DPP10: variants seen among roughly 807,000 people sequenced by gnomAD.
The protein encoded by DPP10 is inactive dipeptidyl peptidase 10.
In DPP10, 33 loss-of-function variants were observed where a neutral mutation model predicts 120.9. That is an observed-to-expected ratio of 0.27 (90% CI 0.21 to 0.37). DPP10 has a LOEUF of 0.37. Among genes scored for constraint, DPP10 ranks in the 10% least tolerant of loss-of-function variants. DPP10 has a pLI of 1.00. For missense variants in DPP10, 816 were observed against 942.8 expected (o/e 0.87, Z 1.76); for synonymous variants, 337 against 326.1 (o/e 1.03, Z -0.36).
intron 1 of DPP10, among the ~76,000 whole-genome samples, chr2:114,775,431 G>A (rs1222872115): frequency 6.6e-6 from 1 of 152,134 alleles, no homozygotes; most frequent in African/African-American, 2.4e-5. Flanking sequence ...GACTTACATT[G>A]CTGCCAAGTG....
At chr2:114,750,622 C>T (rs559707243) in intron 1 of DPP10, among the ~76,000 whole-genome samples, 1 of 152,174 alleles carries the variant, frequency 6.6e-6, no homozygotes, top group Non-Finnish European at 1.5e-5. Flanking sequence ...CGTGAGCCAC[C>T]GCTCCCAGCC....
intron 1 of DPP10, among the ~76,000 whole-genome samples, chr2:115,297,112 T>C (rs1245718142): frequency 6.6e-6 from 1 of 152,106 alleles, no homozygotes; most frequent in Admixed American, 6.6e-5. Flanking sequence ...AAATACTGTA[T>C]GCAAGTATCC....
At chr2:115,774,259 CAG>C (rs1279952506) in intron 13 of DPP10, among the ~76,000 whole-genome samples, 1 of 150,140 alleles carries the variant, frequency 6.7e-6, no homozygotes, top group African/African-American at 2.5e-5. Context: ...CTCTGAAAAA[CAG>C]AGAAAATAAT....
intron 1 of DPP10, among the ~76,000 whole-genome samples, chr2:114,570,855 A>G (rs1689585991): frequency 6.6e-6 from 1 of 150,980 alleles, no homozygotes; most frequent in Non-Finnish European, 1.5e-5. Flanking sequence ...AAAAAAAAAA[A>G]AAAAAGAAAA....
intron 1 of DPP10, among the ~76,000 whole-genome samples, chr2:114,947,359 T>C (rs146368222): frequency 6.6e-6 from 1 of 152,004 alleles, no homozygotes; most frequent in African/African-American, 2.4e-5. Flanking sequence ...ATACACAATT[T>C]TTTCCATCGA....
intron 7 of DPP10, among the ~76,000 whole-genome samples, chr2:115,697,581 AATAT>A (rs34075750): frequency 6.7e-6 from 1 of 149,128 alleles, no homozygotes; most frequent in Non-Finnish European, 1.5e-5. Context: ...AATTGAAGGG[AATAT>A]ATATATATAT....
intron 3 of DPP10, among the ~76,000 whole-genome samples, chr2:115,404,421 AT>A (rs1362678584): frequency 6.6e-6 from 1 of 152,154 alleles, no homozygotes; most frequent in African/African-American, 2.4e-5. Flanking sequence ...TCAACAGGAG[AT>A]TTAGGTGGGG....
chr2:114,475,146 G>C (rs556846951), intron 1 of DPP10, among the ~76,000 whole-genome samples: 1 of 152,258 alleles, frequency 6.6e-6, no homozygotes, highest in Admixed American at 6.5e-5. Flanking sequence ...CATCCGCACG[G>C]CACAGTTTAC....
At chr2:115,570,465 T>C (rs528763828) in intron 5 of DPP10, among the ~76,000 whole-genome samples, 9 of 152,228 alleles carry the variant, frequency 5.9e-5, no homozygotes, top group Admixed American at 6.5e-5. Context: ...GTCTTTCACA[T>C]AGTCCACACT....
intron 3 of DPP10, among the ~76,000 whole-genome samples, chr2:115,448,278 G>A (rs2072798915): frequency 6.6e-6 from 1 of 152,070 alleles, no homozygotes; most frequent in African/African-American, 2.4e-5. Flanking sequence ...AAAGAATTGG[G>A]TTCTATCAGA....
chr2:115,173,813 C>T (rs962889095), intron 1 of DPP10, among the ~76,000 whole-genome samples: 2 of 152,090 alleles, frequency 1.3e-5, no homozygotes, highest in African/African-American at 2.4e-5. Context: ...ATCTTACAAC[C>T]GACTATGTGA....
At chr2:115,412,253 A>C (rs1014924262) in intron 3 of DPP10, among the ~76,000 whole-genome samples, 1 of 152,338 alleles carries the variant, frequency 6.6e-6, no homozygotes, top group African/African-American at 2.4e-5. Context: ...TTAACTGTCT[A>C]TAGATGGCTG....
At chr2:115,431,144 C>G (rs892159819) in intron 3 of DPP10, among the ~76,000 whole-genome samples, 1 of 152,122 alleles carries the variant, frequency 6.6e-6, no homozygotes, top group Non-Finnish European at 1.5e-5. Flanking sequence ...CTCGCGAAAG[C>G]GAAGGGATCC....
intron 1 of DPP10, among the ~76,000 whole-genome samples, chr2:114,638,104 A>G (rs1030954518): frequency 2.6e-5 from 4 of 151,844 alleles, no homozygotes; most frequent in African/African-American, 9.7e-5. Flanking sequence ...TATTCTTCTA[A>G]TCAATGAGCA....
chr2:115,101,474 C>T (rs146229193), intron 1 of DPP10, among the ~76,000 whole-genome samples: 1,609 of 152,222 alleles, frequency 0.011, 17 homozygotes, highest in Non-Finnish European at 0.017. Flanking sequence ...TGCATTCTTT[C>T]CTACCACTGA....
intron 17 of DPP10, 148 bp downstream of exon 17, chr2:115,782,547 C>A: frequency 1.5e-6 from 1 of 680,904 alleles, no homozygotes; most frequent in East Asian, 2.7e-5. Flanking sequence ...TCAACTTGAC[C>A]TTATGTATGT....
At chr2:115,676,572 C>A (rs2090279760) in intron 5 of DPP10, among the ~76,000 whole-genome samples, 1 of 151,910 alleles carries the variant, frequency 6.6e-6, no homozygotes, top group African/African-American at 2.4e-5. Flanking sequence ...AGTGCTTCAT[C>A]AATAGACTAA....
At chr2:115,102,745 G>GA (rs142127691) in intron 1 of DPP10, among the ~76,000 whole-genome samples, 16,595 of 141,344 alleles carry the variant, frequency 0.12, 1,051 homozygotes, top group Non-Finnish European at 0.14. Context: ...TTCATTGACT[G>GA]AAAAAAAAAA....
chr2:115,675,355 A>C (rs1197592008), intron 5 of DPP10, among the ~76,000 whole-genome samples: 1 of 152,224 alleles, frequency 6.6e-6, no homozygotes, highest in Non-Finnish European at 1.5e-5. Context: ...TGCTTTAAAA[A>C]AAAATGACTC....
Sources: allele counts gnomAD v4.1 joint callset (sites outside exome capture counted in the v4.1 genomes callset), GRCh38; gene constraint gnomAD v4.1.1; transcripts MANE v1.5; gene names NCBI Gene and HGNC (gene_info 2026-07-23, HGNC 2026-07-21).